ZC3H7B: variants seen among roughly 807,000 people sequenced by gnomAD.
ZC3H7B encodes zinc finger CCCH-type containing 7B.
ZC3H7B carries 35 observed loss-of-function variants against 116.0 expected under a neutral mutation model. The observed-to-expected ratio is 0.30, with a 90% CI of 0.23 to 0.40. The LOEUF (loss-of-function observed/expected upper bound fraction) is 0.40. ZC3H7B is among the 10% of genes least tolerant of loss of function. The probability of loss-of-function intolerance (pLI) is 1.00; values close to 1 mark genes in which losing one functional copy is unlikely to be tolerated. For synonymous variants in ZC3H7B, 502 were observed against 545.6 expected, an observed-to-expected ratio of 0.92 and a Z score of 1.11; for missense variants, 1,011 against 1,321.5, an observed-to-expected ratio of 0.77 and a Z score of 3.64.
At chr22:41,339,498 T>C (rs1250945860) in intron 9 of ZC3H7B, among the ~76,000 whole-genome samples, 2 of 151,872 alleles carry the variant, frequency 1.3e-5, no homozygotes, top group Non-Finnish European at 2.9e-5. Flanking sequence ...TGGTGGCACA[T>C]GCCTGTGGTC....
At chr22:41,305,523 T>A (rs2036030148) in intron 1 of ZC3H7B, among the ~76,000 whole-genome samples, 2 of 151,670 alleles carry the variant, frequency 1.3e-5, no homozygotes, top group Admixed American at 6.6e-5. Context: ...AAAACAAAAA[T>A]GGAGACTGGA....
In ZC3H7B at chr22:41,357,514, AG is replaced by A. The variant is rs1289035815; in HGVS notation, c.*91del. ...CCTGATAGAAGGGTCAGGGCAGGCC[AG>A]GGGGGTGGGGGGCCGCCCTCATCAG... On this transcript the variant is annotated 3_prime_UTR_variant, in exon 23 of 23. Coordinates refer to ENST00000352645, the MANE Select transcript of ZC3H7B (RefSeq NM_017590.6). This position sits in a 1 kb window ranked among gnomAD's most constrained non-coding sequence, Gnocchi z 5.4. 6 of 275,210 alleles carry A rather than the reference AG, an allele frequency of 2.2e-5. No homozygotes were observed. The highest frequency in any genetic ancestry group is 1.2e-3 in the Middle Eastern group (1 of 868). 17.0% of individuals were successfully genotyped at this position (275,210 alleles called of 1,614,324 possible). A position where few individuals can be genotyped will look rare whatever the true frequency, so the allele number is the denominator to read the frequency against.
chr22:41,351,443 G>A lies in ZC3H7B; in HGVS notation c.1949-118G>A. 3.7e-6 allele frequency: 3 copies of A among 812,238 alleles called. No homozygotes were observed. In the Admixed American group the frequency reaches 8.7e-5, roughly 24 times the overall value. The allele number at this position is 812,238 out of a possible 1,614,324, so 50.3% of individuals were successfully genotyped here. A position where few individuals can be genotyped will look rare whatever the true frequency, so the allele number is the denominator to read the frequency against. On this transcript the variant is annotated intron_variant, in intron 16 of 22. Transcript: ENST00000352645. This position sits in a 1 kb window ranked among gnomAD's most constrained non-coding sequence, Gnocchi z 5.1. ...GTACCCCATGTCTTACTGTGGCTGG[G>A]CTGAGAATAGGGCTCCTCCAGCTGG...
chr22:41,339,932 T>C lies in ZC3H7B; in HGVS notation c.933T>C (p.Pro311=), dbSNP rs774803596. Residue 311 remains proline (P), a synonymous_variant, in exon 10 of 23, where the codon CCT becomes CCC. Transcript: ENST00000352645. The part of the protein sequence containing the change: ...LLPPVVGGSI[P]VSSPLPPASF... ...CACCTGTGGTGGGTGGCTCCATCCC[T>C]GTCTCCAGCCCACTGCCCCCCGCCT... 5 of 1,613,488 alleles carry C rather than the reference T, an allele frequency of 3.1e-6. No homozygotes were observed. In the South Asian group the frequency reaches 5.5e-5, roughly 18 times the overall value.
intron 17 of ZC3H7B, among the ~76,000 whole-genome samples, chr22:41,352,558 C>T (rs1203395490): frequency 2.0e-5 from 3 of 151,922 alleles, no homozygotes; most frequent in African/African-American, 4.8e-5. Flanking sequence ...GTCAGGAGTT[C>T]GAGACCAGCG....
intron 1 of ZC3H7B, among the ~76,000 whole-genome samples, chr22:41,316,049 A>G (rs1347321317): frequency 6.6e-6 from 1 of 150,768 alleles, no homozygotes; most frequent in Non-Finnish European, 1.5e-5. Context: ...GCTGGAGTGC[A>G]ATGGCGCTAT....
chr22:41,310,859 G>T (rs1468607505), intron 1 of ZC3H7B, among the ~76,000 whole-genome samples: 2 of 151,920 alleles, frequency 1.3e-5, no homozygotes, highest in Non-Finnish European at 2.9e-5. Flanking sequence ...CCGCCTCCTG[G>T]GTTCACGCCA....
At chr22:41,321,829 CTTTTT>C (rs199611879) in intron 2 of ZC3H7B, among the ~76,000 whole-genome samples, 28 of 90,972 alleles carry the variant, frequency 3.1e-4, no homozygotes, top group African/African-American at 2.3e-4. Flanking sequence ...AACTCACATT[CTTTTT>C]TTTTTTTTTT....
At chr22:41,320,505 G>C in intron 1 of ZC3H7B, 150 bp from the exon 2 acceptor site, 5 of 839,794 alleles carry the variant, frequency 6.0e-6, no homozygotes, top group Non-Finnish European at 1.0e-5. Context: ...GCCTGAGGGT[G>C]GTCATCGCCC....
In ZC3H7B at chr22:41,360,052, G is replaced by C. The variant is rs1428618150; in HGVS notation, c.*2623G>C. On this transcript the variant is annotated 3_prime_UTR_variant, in exon 23 of 23. Transcript: ENST00000352645. The stretch of plus-strand genomic sequence containing the variant: ...GGTCTAGTATCTTGATAATAATGTA[G>C]ATGTTTTAATAACAATTTTTGTCCT... 6.6e-6 allele frequency: 1 copy of C among 152,398 alleles called. No homozygotes were observed. Among genetic ancestry groups the C allele is most frequent in the East Asian group, 1.9e-4 (1 of 5,200 alleles). 9.4% of individuals were successfully genotyped at this position (152,398 alleles called of 1,614,324 possible).
chr22:41,312,788 G>A (rs1240607245), intron 1 of ZC3H7B, among the ~76,000 whole-genome samples: 3 of 152,048 alleles, frequency 2.0e-5, no homozygotes, highest in Non-Finnish European at 2.9e-5. Context: ...GTGCGTGCCT[G>A]TGGTCCCAGC....
At chr22:41,306,413 G>A (rs182046844) in intron 1 of ZC3H7B, among the ~76,000 whole-genome samples, 3 of 137,938 alleles carry the variant, frequency 2.2e-5, no homozygotes, top group Non-Finnish European at 3.0e-5. Flanking sequence ...CACTCTTGTC[G>A]CCCAGGCTGG....
Position 41,342,513 on chromosome 22 carries a change from C to T in ZC3H7B, c.1198-16C>T, listed in dbSNP as rs2036534894. 3 of 1,611,866 alleles carry T rather than the reference C, an allele frequency of 1.9e-6. No homozygotes were observed. In the East Asian group the frequency reaches 6.7e-5, roughly 36 times the overall value. On this transcript the variant is annotated splice_polypyrimidine_tract_variant and intron_variant, in intron 11 of 22. Coordinates refer to ENST00000352645, the MANE Select transcript of ZC3H7B (RefSeq NM_017590.6). ...ATCATCCAGTGCCCACAATGGCCTC[C>T]TTCCTCCTGTCACAGCCAGAGCCCT...
intron 11 of ZC3H7B, among the ~76,000 whole-genome samples, 188 bp from the exon 12 acceptor site, chr22:41,342,341 T>C (rs185813497): frequency 1.6e-4 from 24 of 152,282 alleles, no homozygotes; most frequent in Admixed American, 3.3e-4. Context: ...TTTTAGACTC[T>C]TGGACCACAT....
Position 41,302,856 on chromosome 22 carries a change from C to A in ZC3H7B, c.-7+1084C>A, listed in dbSNP as rs903874373. ...GGAGTCTGGGGGCTCTAAAAGGGGGCTGGGCCTGAGTGGGGAGCTGGTGAT... is the reference window on the plus strand; with the variant it reads ...GGAGTCTGGGGGCTCTAAAAGGGGGATGGGCCTGAGTGGGGAGCTGGTGAT... On this transcript the variant is annotated intron_variant, in intron 1 of 22. Coordinates refer to ENST00000352645, the MANE Select transcript of ZC3H7B (RefSeq NM_017590.6). The surrounding 1 kb of genome is among the most constrained non-coding windows in gnomAD (Gnocchi z 5.7). 6.6e-6 allele frequency among the ~76,000 whole-genome samples: 1 copy of A among 151,596 alleles called. No individual in the cohort carries two copies. The highest frequency in any genetic ancestry group is 2.4e-5 in the African/African-American group (1 of 41,226).
At chr22:41,345,441 C>T (rs1454355096) in intron 13 of ZC3H7B, among the ~76,000 whole-genome samples, 4 of 151,946 alleles carry the variant, frequency 2.6e-5, no homozygotes, top group Non-Finnish European at 5.9e-5. Context: ...CAAAATTAGC[C>T]GGGCGTGGTG....
chr22:41,320,789 G>A lies in ZC3H7B; in HGVS notation c.53+76G>A, dbSNP rs375941422. 3.4e-4 allele frequency: 538 copies of A among 1,585,056 alleles called. 2 individuals are homozygous for A. In the African/African-American group the frequency reaches 6.2e-3, roughly 18 times the overall value. Reference sequence around the variant, plus strand: ...TCTCTGAGAGCCATGCCCTCCCAGCGCTCCCTTTTCTTGCTGCTGAGCCTT... The same window carrying A: ...TCTCTGAGAGCCATGCCCTCCCAGCACTCCCTTTTCTTGCTGCTGAGCCTT... On this transcript the variant is annotated intron_variant, in intron 2 of 22. Transcript: ENST00000352645.
Position 41,330,158 on chromosome 22 carries a change from G to T in ZC3H7B, c.525+55G>T, listed in dbSNP as rs927200916. On this transcript the variant is annotated intron_variant, in intron 6 of 22. Transcript: ENST00000352645. ...GGTGTGGACGTGAGGAGGTCTGAAG[G>T]GAGGGACCAGGCTCCGTGGGGAAGG... 4.4e-6 allele frequency: 7 copies of T among 1,589,728 alleles called. No homozygotes were observed. The African/African-American group carries it at 9.4e-5, about 21-fold the overall frequency.
intron 1 of ZC3H7B, among the ~76,000 whole-genome samples, chr22:41,304,382 T>C (rs916110268): frequency 2.1e-5 from 3 of 141,850 alleles, no homozygotes; most frequent in Non-Finnish European, 3.1e-5. Context: ...TCAACATATC[T>C]ACCCACCTCG....
Sources: gnomAD v4.1 joint callset for allele counts (sites outside exome capture counted in the v4.1 genomes callset) on GRCh38, gnomAD v4.1.1 for gene constraint, Gnocchi (gnomAD v3.1) non-coding constraint, MANE v1.5 for transcripts, NCBI Gene and HGNC (gene_info 2026-07-23, HGNC 2026-07-21) for gene names.